DNAH6: variants seen among roughly 807,000 people sequenced by gnomAD.
DNAH6 encodes axonemal beta dynein heavy chain 6.
In DNAH6, 340 loss-of-function variants were observed where a neutral mutation model predicts 491.4. That is an observed-to-expected ratio of 0.69 (90% CI 0.63 to 0.76). The LOEUF (loss-of-function observed/expected upper bound fraction) is 0.76, where lower values mean the gene tolerates loss of function less well. Ranked by LOEUF, DNAH6 falls within the 30% of genes least tolerant of loss-of-function variation. The pLI is 0.00. For missense variants in DNAH6, 4,443 were observed against 4,972.2 expected, an observed-to-expected ratio of 0.89 and a Z score of 3.20; for synonymous variants, 1,603 against 1,686.1, an observed-to-expected ratio of 0.95 and a Z score of 1.21.
At chr2:84,532,684 G>A (rs953776598) in intron 4 of DNAH6, among the ~76,000 whole-genome samples, 1 of 151,998 alleles carries the variant, frequency 6.6e-6, no homozygotes, top group Non-Finnish European at 1.5e-5. Context: ...GAAAAAATAC[G>A]TGAGCAAAAT....
At chr2:84,798,899 G>T (rs1026349263) in intron 70 of DNAH6, among the ~76,000 whole-genome samples, 1 of 152,124 alleles carries the variant, frequency 6.6e-6, no homozygotes, top group Non-Finnish European at 1.5e-5. Flanking sequence ...GATATCTGTG[G>T]CCTGAGCTCG....
At chr2:84,714,093 C>T (rs1442755640) in intron 57 of DNAH6, among the ~76,000 whole-genome samples, 3 of 152,230 alleles carry the variant, frequency 2.0e-5, no homozygotes, top group Non-Finnish European at 2.9e-5. Context: ...CCAGGTGCTG[C>T]CCCAGCTCCA....
intron 14 of DNAH6, among the ~76,000 whole-genome samples, chr2:84,583,102 A>G (rs1357096185): frequency 6.6e-6 from 1 of 152,242 alleles, no homozygotes; most frequent in Admixed American, 6.5e-5. Flanking sequence ...AGGAAAGACA[A>G]GCAATACTGT....
chr2:84,585,226 AT>A (rs1683418326), intron 15 of DNAH6, among the ~76,000 whole-genome samples: 1 of 152,220 alleles, frequency 6.6e-6, no homozygotes, highest in South Asian at 2.1e-4. Flanking sequence ...AAGTAAACAC[AT>A]CTATGTATCC....
At chr2:84,732,093 G>T (rs1323069318) in intron 61 of DNAH6, among the ~76,000 whole-genome samples, 5 of 152,152 alleles carry the variant, frequency 3.3e-5, no homozygotes, top group South Asian at 2.1e-4. Context: ...TGTGCAGGGG[G>T]TGTGGGGAGC....
intron 29 of DNAH6, among the ~76,000 whole-genome samples, chr2:84,628,813 A>G (rs1688119425): frequency 6.6e-6 from 1 of 152,224 alleles, no homozygotes; most frequent in African/African-American, 2.4e-5. Flanking sequence ...AATACATATT[A>G]TATGCAAATT....
the DNAH6 span, among the ~76,000 whole-genome samples, chr2:84,486,946 T>C: frequency 6.6e-6 from 1 of 152,122 alleles, no homozygotes; most frequent in Admixed American, 6.5e-5. Flanking sequence ...CAGTGCTCAG[T>C]GGCGGGTTAC....
chr2:84,753,299 T>C (rs1673645782), intron 63 of DNAH6, among the ~76,000 whole-genome samples: 1 of 152,206 alleles, frequency 6.6e-6, no homozygotes. Flanking sequence ...ATATATGATT[T>C]GCAAGAATGT....
Position 84,650,848 on chromosome 2 carries a change from T to C in DNAH6, c.5079-2471T>C, listed in dbSNP as rs181163850. ...CTTTTGATGTGATGAATGATTTTCA[T>C]TGAAACCTACTTATCTGAGGTATTA... On this transcript the variant is annotated intron_variant, in intron 33 of 76. Transcript: ENST00000389394. 1.8e-4 allele frequency among the ~76,000 whole-genome samples: 27 copies of C among 152,334 alleles called. No individual in the cohort carries two copies. The East Asian group carries it at 1.9e-3, about 11-fold the overall frequency.
chr2:84,521,292 A>G (rs1474905245), intron 2 of DNAH6, among the ~76,000 whole-genome samples: 1 of 151,610 alleles, frequency 6.6e-6, no homozygotes, highest in East Asian at 1.9e-4. Context: ...GTGTCTGTTC[A>G]TGTCCTTTGC....
At chr2:84,667,779 C>G (rs567570790) in intron 37 of DNAH6, among the ~76,000 whole-genome samples, 3 of 152,320 alleles carry the variant, frequency 2.0e-5, no homozygotes, top group Admixed American at 2.0e-4. Flanking sequence ...GCTATAAAGA[C>G]ACATGCACAA....
At chr2:84,685,740 A>G (rs1049929154) in intron 43 of DNAH6, among the ~76,000 whole-genome samples, 1 of 152,158 alleles carries the variant, frequency 6.6e-6, no homozygotes, top group South Asian at 2.1e-4. Context: ...CCTTGGGCTC[A>G]GGAGTTCGAG....
At position 84,803,443 on chromosome 2, in the gene DNAH6, A is replaced by T. The variant is rs191150479; in HGVS notation, c.11482-2222A>T. Among the ~76,000 whole-genome samples, 47 of 152,308 alleles carry T rather than the reference A, an allele frequency of 3.1e-4. No individual in the cohort carries two copies. In the East Asian group the frequency reaches 8.1e-3, roughly 26 times the overall value. ...AACAAATGTGCACGTGTACCCTCTG[A>T]ATCTAAAATGTTTTTTTAAAAATTA... is the stretch of plus-strand genomic sequence containing the variant. On this transcript the variant is annotated intron_variant, in intron 70 of 76. Coordinates refer to ENST00000389394, the MANE Select transcript of DNAH6 (RefSeq NM_001370.2).
chr2:84,710,475 A>G (rs1696932584), intron 56 of DNAH6, 63 bp downstream of exon 56: 5 of 1,495,858 alleles, frequency 3.3e-6, no homozygotes, highest in Middle Eastern at 4.3e-4. Context: ...CTGGAATCCT[A>G]TATAGGCCAC....
At chr2:84,676,510 T>C (rs1257098197) in intron 40 of DNAH6, among the ~76,000 whole-genome samples, 1 of 152,138 alleles carries the variant, frequency 6.6e-6, no homozygotes, top group Non-Finnish European at 1.5e-5. Flanking sequence ...CAATATAAAA[T>C]AAGGCATTTT....
In DNAH6 at chr2:84,797,587, A is replaced by G. The variant is rs1464828006; in HGVS notation, c.11410A>G (p.Ile3804Val). ...ADSLQEFKDY[I>V]ENLPLIDDPE... ...CAGCCTACAAGAGTTTAAGGACTAC[A>G]TTGAAAATCTGCCTTTGATCGATGA... Residue 3804 changes from isoleucine to valine, a missense_variant, in exon 70 of 77, where the codon ATT becomes GTT. Around this residue, in one of 3 missense-constraint regions of DNAH6, gnomAD observed 1,463 missense variants for 1,656.6 expected, o/e 0.88. Coordinates refer to ENST00000389394, the MANE Select transcript of DNAH6 (RefSeq NM_001370.2). 12 of 1,551,732 alleles carry G rather than the reference A, an allele frequency of 7.7e-6. No homozygotes were observed. The highest frequency in any genetic ancestry group is 9.6e-6 in the Non-Finnish European group (11 of 1,146,836).
At chr2:84,814,811 A>G (rs1386527441) in intron 75 of DNAH6, among the ~76,000 whole-genome samples, 1 of 152,202 alleles carries the variant, frequency 6.6e-6, no homozygotes, top group African/African-American at 2.4e-5. Context: ...AGATCTGGGG[A>G]GACTTCAGAC....
In DNAH6 at chr2:84,625,208, A is replaced by G. The variant is rs1687748621; in HGVS notation, c.4515+145A>G. The G allele has an allele frequency of 5.0e-6, 4 of 801,896 alleles. No individual in the cohort carries two copies. The South Asian group carries it at 8.5e-5, about 17-fold the overall frequency. The allele number at this position is 801,896 out of a possible 1,614,324, so 49.7% of individuals were successfully genotyped here. ...GGTAAATAATGGTTAAAGTGGAATAAATAGAGCAAGGGAGAAGAGTCAACA... is the reference window on the plus strand; with the variant it reads ...GGTAAATAATGGTTAAAGTGGAATAGATAGAGCAAGGGAGAAGAGTCAACA... On this transcript the variant is annotated intron_variant, in intron 29 of 76. Coordinates refer to ENST00000389394, the MANE Select transcript of DNAH6 (RefSeq NM_001370.2).
Position 84,594,620 on chromosome 2 carries a change from G to A in DNAH6, c.2724+535G>A, listed in dbSNP as rs1264033114. Among the ~76,000 whole-genome samples the A allele has an allele frequency of 3.3e-5, 5 of 152,168 alleles. 1 individual carries two copies. The highest frequency in any genetic ancestry group is 1.2e-4 in the African/African-American group (5 of 41,442). On this transcript the variant is annotated intron_variant, in intron 17 of 76. Transcript: ENST00000389394. ...TACCCTATATTCAATCCTTAACAAA[G>A]GTCAACTCTCTACAAGGCAAAATAG...
Sources: gnomAD v4.1 joint callset for allele counts (sites outside exome capture counted in the v4.1 genomes callset) on GRCh38, gnomAD v4.1.1 for gene constraint, gnomAD v4.1.1 regional missense constraint, MANE v1.5 for transcripts, NCBI Gene and HGNC (gene_info 2026-07-23, HGNC 2026-07-21) for gene names.